KLF18: variants seen among roughly 807,000 people sequenced by gnomAD.
KLF18 encodes Kruppel-like factor 18.
chr1:44,138,457 T>TCTGGTCCAGGACTAGAGCCTGTCC (rs548191998), intron 1 of KLF18, among the ~76,000 whole-genome samples: 53 of 152,142 alleles, frequency 3.5e-4, no homozygotes, highest in African/African-American at 4.3e-4. Flanking sequence ...CCAGCCTGGC[T>TCTGGTCCAGGACTAGAGCCTGTCC]CTGGTCCAGG....
rs1369033930 is a variant in KLF18 at position 44,137,914 on chromosome 1, C to T, written c.3066G>A (p.Arg1022=). 4.5e-5 allele frequency: 18 copies of T among 398,628 alleles called. No homozygotes were observed. In the East Asian group the frequency reaches 5.3e-4, roughly 12 times the overall value. 24.7% of individuals were successfully genotyped at this position (398,628 alleles called of 1,614,324 possible). A position where few individuals can be genotyped will look rare whatever the true frequency, so the allele number is the denominator to read the frequency against. Residue 1022 remains arginine, a synonymous_variant, in exon 2 of 2, where the codon AGG becomes AGA. Transcript: ENST00000634670. ...TGCTGCATATTGAACACAGGTAGGG[C>T]CTTTCCCCAGTGTGCCTTTTCTTGT... ...NRHKKRHTGE[R]PYLCSICSKN...
Position 44,140,738 on chromosome 1 carries a change from A to G in KLF18, c.894T>C (p.Thr298=), listed in dbSNP as rs1285680887. The change falls in exon 1 of 2, where the codon ACT becomes ACC. Residue 298 remains threonine, a synonymous_variant. Coordinates refer to ENST00000634670, the MANE Select transcript of KLF18 (RefSeq NM_001358438.1). The part of the protein sequence containing the change: ...TLCGEQMTTS[T]SNQTLCGEQV... ...GCTCCCCACAGAGGGTCTGGTTACT[A>G]GTGGAGGTTGTCATCTGCTCTCCAC... 2.5e-6 allele frequency: 1 copy of G among 398,456 alleles called. No homozygotes were observed. The allele number at this position is 398,456 out of a possible 1,614,324, so 24.7% of individuals were successfully genotyped here. A position where few individuals can be genotyped will look rare whatever the true frequency, so the allele number is the denominator to read the frequency against.
rs2995017 is a variant in KLF18, at chr1:44,139,319, C to A, written c.2313G>T (p.Thr771=). The A allele has an allele frequency of 6.4e-5, 22 of 343,320 alleles. No individual in the cohort carries two copies. The highest frequency in any genetic ancestry group is 4.3e-4 in the African/African-American group (19 of 43,826). 21.3% of individuals were successfully genotyped at this position (343,320 alleles called of 1,614,324 possible). A position where few individuals can be genotyped will look rare whatever the true frequency, so the allele number is the denominator to read the frequency against. The change falls in exon 1 of 2, where the codon ACG becomes ACT. Residue 771 remains threonine, a synonymous_variant. Coordinates refer to ENST00000634670, the MANE Select transcript of KLF18 (RefSeq NM_001358438.1). ...GNQALYGGQM[T]TSTSNQTLCG... ...AGAGGGTCTGGTTACTAGTAGAGGT[C>A]GTCATCTGCCCCCCGTAGAGGGCCT...
intron 1 of KLF18, 124 bp from the exon 2 acceptor site, chr1:44,138,135 G>A (rs549582305): frequency 3.0e-5 from 12 of 397,064 alleles, no homozygotes; most frequent in East Asian, 2.5e-4. Context: ...CAGAAGAGAC[G>A]GGAGTGGTGG....
chr1:44,140,222 G>C lies in KLF18; in HGVS notation c.1410C>G (p.Thr470=), dbSNP rs552613763. ...EQTTTSTSNQ[T]LCGEQVTTST... is the part of the protein sequence containing the mutation. ...AGGTCGTCACCTGCTCCCCACAGAG[G>C]GTCTGGTTACTAGTGGAGGTCGTCG... The change falls in exon 1 of 2, where the codon ACC becomes ACG. Residue 470 remains threonine (T), a synonymous_variant. Coordinates refer to ENST00000634670, the MANE Select transcript of KLF18 (RefSeq NM_001358438.1). 0.018 allele frequency: 7,113 copies of C among 394,876 alleles called. 424 individuals carry two copies. Among genetic ancestry groups the C allele is most frequent in the African/African-American group, 0.14 (6,384 of 46,190 alleles). 24.5% of individuals were successfully genotyped at this position (394,876 alleles called of 1,614,324 possible). A position where few individuals can be genotyped will look rare whatever the true frequency, so the allele number is the denominator to read the frequency against.
Position 44,140,999 on chromosome 1 carries a change from G to A in KLF18, c.633C>T (p.Gly211=). ...AGAGGTCTAGACTGGTTGTCATTTG[G>A]CCCCCAGAGAGGGTCTCATCGCTAC... ...TSGSDETLSG[G]QMTTSLDLYG... is the part of the protein sequence containing the mutation. The change falls in exon 1 of 2, where the codon GGC becomes GGT. Residue 211 remains glycine, a synonymous_variant. Transcript: ENST00000634670. 1 of 398,566 alleles carries A rather than the reference G, an allele frequency of 2.5e-6. No individual in the cohort carries two copies. Among genetic ancestry groups the A allele is most frequent in the Non-Finnish European group, 4.4e-6 (1 of 226,138 alleles). 24.7% of individuals were successfully genotyped at this position (398,566 alleles called of 1,614,324 possible).
In KLF18 at chr1:44,139,124, A is replaced by AG. The variant is rs1643199908; in HGVS notation, c.2507_2508insC (p.Gly837TrpfsTer10). On this transcript the variant is annotated frameshift_variant, in exon 1 of 2. Coordinates refer to ENST00000634670, the MANE Select transcript of KLF18 (RefSeq NM_001358438.1). LOFTEE classifies it high-confidence loss of function. ...CAGTGGAGGTCGTCACCTGCTCCCCACAGAGGGTCTGGTTACTAGTGGAGG... is the reference window on the plus strand; with the variant it reads ...CAGTGGAGGTCGTCACCTGCTCCCCAGCAGAGGGTCTGGTTACTAGTGGAGG... 1 of 391,912 alleles carries AG rather than the reference A, an allele frequency of 2.6e-6. No homozygotes were observed. Among genetic ancestry groups the AG allele is most frequent in the East Asian group, 3.7e-5 (1 of 27,300 alleles). The allele number at this position is 391,912 out of a possible 1,614,324, so 24.3% of individuals were successfully genotyped here.
rs1643222997 is a variant in KLF18 at position 44,140,123 on chromosome 1, C to T, written c.1509G>A (p.Gln503=). The T allele has an allele frequency of 7.7e-6, 3 of 389,376 alleles. No homozygotes were observed. Among genetic ancestry groups the T allele is most frequent in the East Asian group, 7.3e-5 (2 of 27,222 alleles). 24.1% of individuals were successfully genotyped at this position (389,376 alleles called of 1,614,324 possible). A position where few individuals can be genotyped will look rare whatever the true frequency, so the allele number is the denominator to read the frequency against. ...STGNQTLYWG[Q]MMTSTGNQNL... is the part of the protein sequence containing the mutation. ...TCTGGTTACCAGTGGAGGTCATCATCTGCCCCCAGTAGAGGGTCTGGTTAC... is the reference window on the plus strand; with the variant it reads ...TCTGGTTACCAGTGGAGGTCATCATTTGCCCCCAGTAGAGGGTCTGGTTAC... The change falls in exon 1 of 2, where the codon CAG becomes CAA. Residue 503 remains glutamine (Q), a synonymous_variant. Coordinates refer to ENST00000634670, the MANE Select transcript of KLF18 (RefSeq NM_001358438.1).
chr1:44,138,550 A>G (rs1643190113), intron 1 of KLF18, 114 bp downstream of exon 1: 1 of 395,692 alleles, frequency 2.5e-6, no homozygotes, highest in East Asian at 3.6e-5. Flanking sequence ...AACCTTTTCT[A>G]TTATAGAATT....
intron 1 of KLF18, among the ~76,000 whole-genome samples, chr1:44,138,330 A>G (rs1338601193): frequency 6.6e-6 from 1 of 152,176 alleles, no homozygotes; most frequent in Non-Finnish European, 1.5e-5. Flanking sequence ...GGGCCCTGTC[A>G]CTACGAAGTG....
At position 44,141,563 on chromosome 1, in the gene KLF18, A is replaced by G. The variant is rs891267298; in HGVS notation, c.69T>C (p.His23=). The part of the protein sequence containing the change: ...EKFFQHLSER[H]TEQAETPDAP... ...CATCTGGGGTTTCTGCCTGTTCTGTATGCCGCTCAGAGAGATGCTGGAAAA... is the reference window on the plus strand; with the variant it reads ...CATCTGGGGTTTCTGCCTGTTCTGTGTGCCGCTCAGAGAGATGCTGGAAAA... The change falls in exon 1 of 2, where the codon CAT becomes CAC. Residue 23 remains histidine (H), a synonymous_variant. Transcript: ENST00000634670. 5.0e-6 allele frequency: 2 copies of G among 398,604 alleles called. No homozygotes were observed. Among genetic ancestry groups the G allele is most frequent in the African/African-American group, 2.1e-5 (1 of 48,714 alleles). The allele number at this position is 398,604 out of a possible 1,614,324, so 24.7% of individuals were successfully genotyped here.
rs562062038 is a variant in KLF18 at position 44,141,457 on chromosome 1, G to C, written c.175C>G (p.Pro59Ala). The C allele has an allele frequency of 1.8e-4, 72 of 398,640 alleles. No individual in the cohort carries two copies. The highest frequency in any genetic ancestry group is 1.4e-3 in the African/African-American group (68 of 48,712). The allele number at this position is 398,640 out of a possible 1,614,324, so 24.7% of individuals were successfully genotyped here. ...GTCATCATTGTGGACCCCAAGGGAG[G>C]CATCGTCTTGCTCTGGGTTGACTCA... The part of the protein sequence containing the change: ...QHESTQSKTM[P>A]PLGSTMMTSA... Residue 59 changes from proline (P) to alanine (A), a missense_variant, in exon 1 of 2, where the codon CCT (proline) becomes GCT (alanine). Physicochemically the swap from Pro to Ala is conservative, Grantham distance 27. Transcript: ENST00000634670.
chr1:44,137,999 T>C lies in KLF18; in HGVS notation c.2981A>G (p.Tyr994Cys). Residue 994 changes from tyrosine (Y) to cysteine (C), a missense_variant, in exon 2 of 2, where the codon TAT becomes TGT. By Grantham distance (194) the Tyr-to-Cys change is radical. Transcript: ENST00000634670. ...CGTACATCCCTCTACATCGCATACA[T>C]AGGGCTTCTCCCCTGGACCAGACAG... ...HMRKHTGEKP[Y>C]VCDVEGCTWK... 7.5e-6 allele frequency: 3 copies of C among 398,708 alleles called. No homozygotes were observed. The highest frequency in any genetic ancestry group is 8.8e-6 in the Non-Finnish European group (2 of 226,124). 24.7% of individuals were successfully genotyped at this position (398,708 alleles called of 1,614,324 possible). A position where few individuals can be genotyped will look rare whatever the true frequency, so the allele number is the denominator to read the frequency against.
chr1:44,141,305 T>A lies in KLF18; in HGVS notation c.327A>T (p.Val109=). 1 of 398,726 alleles carries A rather than the reference T, an allele frequency of 2.5e-6. No homozygotes were observed. The highest frequency in any genetic ancestry group is 4.4e-5 in the Admixed American group (1 of 22,732). The allele number at this position is 398,726 out of a possible 1,614,324, so 24.7% of individuals were successfully genotyped here. Residue 109 remains valine (V), a synonymous_variant, in exon 1 of 2, where the codon GTA becomes GTT. Coordinates refer to ENST00000634670, the MANE Select transcript of KLF18 (RefSeq NM_001358438.1). Reference sequence around the variant, plus strand: ...TCATCTGGGAGCCTGCTGTGTGTTTTACCTGATCAAAGGAAGTCACTTTCT... The same window carrying A: ...TCATCTGGGAGCCTGCTGTGTGTTTAACCTGATCAAAGGAAGTCACTTTCT... ...MGQKVTSFDQ[V]KHTAGSQMTD... is the part of the protein sequence containing the mutation.
Position 44,140,130 on chromosome 1 carries a change from C to G in KLF18, c.1502G>C (p.Trp501Ser), listed in dbSNP as rs934022587. 2.6e-6 allele frequency: 1 copy of G among 388,334 alleles called. No individual in the cohort carries two copies. Among genetic ancestry groups the G allele is most frequent in the Non-Finnish European group, 4.5e-6 (1 of 223,478 alleles). 24.1% of individuals were successfully genotyped at this position (388,334 alleles called of 1,614,324 possible). A position where few individuals can be genotyped will look rare whatever the true frequency, so the allele number is the denominator to read the frequency against. ...ACCAGTGGAGGTCATCATCTGCCCC[C>G]AGTAGAGGGTCTGGTTACCAGTGGA... ...MTSTGNQTLYWGQMMTSTGNQ... is the reference protein window; with the variant it reads ...MTSTGNQTLYSGQMMTSTGNQ... Residue 501 changes from tryptophan to serine, a missense_variant, in exon 1 of 2, where the codon TGG becomes TCG. Physicochemically the swap from Trp to Ser is radical, Grantham distance 177. Coordinates refer to ENST00000634670, the MANE Select transcript of KLF18 (RefSeq NM_001358438.1).
In KLF18 at chr1:44,138,963, G is replaced by A. The variant is rs776524546; in HGVS notation, c.2669C>T (p.Thr890Ile). The A allele has an allele frequency of 5.0e-6, 2 of 398,566 alleles. No individual in the cohort carries two copies. Among genetic ancestry groups the A allele is most frequent in the East Asian group, 3.6e-5 (1 of 28,086 alleles). The allele number at this position is 398,566 out of a possible 1,614,324, so 24.7% of individuals were successfully genotyped here. A position where few individuals can be genotyped will look rare whatever the true frequency, so the allele number is the denominator to read the frequency against. ...GQMATYSGNQ[T>I]LYGDQMLTLQ... is the part of the protein sequence containing the mutation. ...AGTCAGCATCTGGTCCCCATAGAGG[G>A]TCTGGTTGCCACTATATGTTGCCAT... Residue 890 changes from threonine to isoleucine, a missense_variant, in exon 1 of 2, where the codon ACC becomes ATC. Physicochemically the swap from Thr to Ile is moderately conservative, Grantham distance 89. Transcript: ENST00000634670.
chr1:44,138,625 C>A (rs988543080), intron 1 of KLF18, 39 bp downstream of exon 1: 95 of 356,680 alleles, frequency 2.7e-4, no homozygotes, highest in African/African-American at 2.5e-3. Flanking sequence ...AAATCTGTAG[C>A]CACTTGCCCC....
chr1:44,138,730 A>T lies in KLF18; in HGVS notation c.2902T>A (p.Tyr968Asn), dbSNP rs1260783151. Residue 968 changes from tyrosine to asparagine, a missense_variant, in exon 1 of 2, where the codon TAC (tyrosine) becomes AAC (asparagine). Physicochemically the swap from Tyr to Asn is moderately radical, Grantham distance 143 (BLOSUM62 -2). Coordinates refer to ENST00000634670, the MANE Select transcript of KLF18 (RefSeq NM_001358438.1). ...GAATAAGACATCTTGCAGTCCTCGT[A>T]AGTGCAGACATAGGGCCTTGAAACC... ...PEVSRPYVCTYEDCKMSYSKA... is the reference protein window; with the variant it reads ...PEVSRPYVCTNEDCKMSYSKA... 5.0e-6 allele frequency: 2 copies of T among 398,482 alleles called. No homozygotes were observed. The highest frequency in any genetic ancestry group is 4.1e-5 in the African/African-American group (2 of 48,618). The allele number at this position is 398,482 out of a possible 1,614,324, so 24.7% of individuals were successfully genotyped here.
rs1643174021 is a variant in KLF18, at chr1:44,137,973, A to G, written c.3007T>C (p.Trp1003Arg). ...AGCTCATCTGAGCGGGCAAATTTCCACGTACATCCCTCTACATCGCATACA... is the reference window on the plus strand; with the variant it reads ...AGCTCATCTGAGCGGGCAAATTTCCGCGTACATCCCTCTACATCGCATACA... ...PYVCDVEGCTWKFARSDELNR... is the reference protein window; with the variant it reads ...PYVCDVEGCTRKFARSDELNR... Residue 1003 changes from tryptophan (W) to arginine (R), a missense_variant, in exon 2 of 2, where the codon TGG (tryptophan) becomes CGG (arginine). Physicochemically the swap from Trp to Arg is moderately radical, Grantham distance 101. Coordinates refer to ENST00000634670, the MANE Select transcript of KLF18 (RefSeq NM_001358438.1). 1 of 398,616 alleles carries G rather than the reference A, an allele frequency of 2.5e-6. No individual in the cohort carries two copies. Among genetic ancestry groups the G allele is most frequent in the Non-Finnish European group, 4.4e-6 (1 of 226,174 alleles). The allele number at this position is 398,616 out of a possible 1,614,324, so 24.7% of individuals were successfully genotyped here. A position where few individuals can be genotyped will look rare whatever the true frequency, so the allele number is the denominator to read the frequency against.
Sources: gnomAD v4.1 joint callset for allele counts (sites outside exome capture counted in the v4.1 genomes callset) on GRCh38, gnomAD v4.1.1 for gene constraint, MANE v1.5 for transcripts, NCBI Gene and HGNC (gene_info 2026-07-23, HGNC 2026-07-21) for gene names.